TENM2: variants seen among roughly 807,000 people sequenced by gnomAD.
TENM2 encodes teneurin transmembrane protein 2.
TENM2 carries 52 observed loss-of-function variants against 245.2 expected under a neutral mutation model. The observed-to-expected ratio is 0.21, with a 90% CI of 0.17 to 0.27. TENM2 has a LOEUF of 0.27. TENM2 is among the 10% of genes least tolerant of loss of function. The probability of loss-of-function intolerance (pLI) is 1.00; values close to 1 mark genes in which losing one functional copy is unlikely to be tolerated. For synonymous variants in TENM2, 1,363 were observed against 1,438.9 expected (o/e 0.95, Z 1.19); for missense variants, 3,046 against 3,666.8 (o/e 0.83, Z 4.37).
intron 2 of TENM2, among the ~76,000 whole-genome samples, chr5:167,449,808 A>AT (rs1417573056): frequency 6.6e-6 from 1 of 152,112 alleles, no homozygotes; most frequent in East Asian, 1.9e-4. Flanking sequence ...AAATACAAAA[A>AT]TGAGCCATGC....
chr5:167,122,525 G>A, the TENM2 span, among the ~76,000 whole-genome samples: 12 of 152,106 alleles, frequency 7.9e-5, no homozygotes, highest in Non-Finnish European at 1.8e-4. Flanking sequence ...GACAGCTTAT[G>A]AACCTAATAA....
the TENM2 span, among the ~76,000 whole-genome samples, chr5:166,984,327 T>C: frequency 6.6e-6 from 1 of 152,118 alleles, no homozygotes; most frequent in South Asian, 2.1e-4. Flanking sequence ...AATGATAATA[T>C]ACCGATTCTA....
chr5:167,648,177 T>C (rs938905329), intron 2 of TENM2, among the ~76,000 whole-genome samples: 3 of 152,240 alleles, frequency 2.0e-5, no homozygotes, highest in African/African-American at 7.2e-5. Flanking sequence ...TGACCCATTC[T>C]GCACAGAGAC....
At position 167,859,115 on chromosome 5, in the gene TENM2, C is replaced by G. The variant is rs1771401668; in HGVS notation, c.503-16871C>G. ...GTCTGAGATGTGGGGAGCGCCTCTG[C>G]CCCGCCGCCCCATCTGGGATGTGAG... On this transcript the variant is annotated intron_variant, in intron 2 of 28. Coordinates refer to ENST00000518659, the Ensembl canonical transcript of TENM2. Among the ~76,000 whole-genome samples the G allele has an allele frequency of 4.5e-5, 6 of 133,360 alleles. No individual in the cohort carries two copies. The South Asian group carries it at 1.3e-3, about 30-fold the overall frequency. 87.5% of individuals were successfully genotyped at this position (133,360 alleles called of 152,430 possible).
the TENM2 span, among the ~76,000 whole-genome samples, chr5:167,039,219 G>A: frequency 6.6e-6 from 1 of 152,076 alleles, no homozygotes; most frequent in Non-Finnish European, 1.5e-5. Context: ...CTGTGAGAGT[G>A]AGCTGCTATC....
At chr5:167,872,526 AAGAAAGAAAGAAAGAAAGAAAGAG>A (rs1773023140) in intron 2 of TENM2, among the ~76,000 whole-genome samples, 2 of 51,144 alleles carry the variant, frequency 3.9e-5, no homozygotes, top group African/African-American at 1.1e-4. Flanking sequence ...GAAAGAAAGA[AAGAAAGAAAGAAAGAAAGAAAGAG>A]AAAGAAAGAA....
chr5:167,488,278 A>C (rs1448544111), intron 2 of TENM2, among the ~76,000 whole-genome samples: 2 of 152,182 alleles, frequency 1.3e-5, no homozygotes, highest in Non-Finnish European at 2.9e-5. Flanking sequence ...TTTTCTTTAT[A>C]GAACAATGTC....
At chr5:167,941,431 T>C (rs1268292218) in intron 3 of TENM2, among the ~76,000 whole-genome samples, 1 of 152,206 alleles carries the variant, frequency 6.6e-6, no homozygotes, top group African/African-American at 2.4e-5. Context: ...AGTGCACTGA[T>C]TATTTTGATA....
intron 3 of TENM2, among the ~76,000 whole-genome samples, chr5:167,913,195 T>C (rs1365347800): frequency 1.3e-5 from 2 of 152,210 alleles, no homozygotes; most frequent in Non-Finnish European, 2.9e-5. Flanking sequence ...TCCACCTGCC[T>C]CTTCTCCTAG....
intron 4 of TENM2, 29 bp from the exon 7 acceptor site, chr5:167,992,915 C>T (rs548129781): frequency 3.8e-6 from 6 of 1,580,368 alleles, no homozygotes. Flanking sequence ...TACCCATGAC[C>T]ACTCTGACTC....
intron 2 of TENM2, among the ~76,000 whole-genome samples, chr5:167,418,816 G>C (rs1169672442): frequency 6.6e-6 from 1 of 152,028 alleles, no homozygotes; most frequent in African/African-American, 2.4e-5. Flanking sequence ...ATCAACATTG[G>C]TAAAAGCAAT....
At chr5:167,398,211 C>T (rs931572630) in intron 2 of TENM2, among the ~76,000 whole-genome samples, 2 of 152,108 alleles carry the variant, frequency 1.3e-5, no homozygotes, top group Admixed American at 6.6e-5. Context: ...GTCAGATAGA[C>T]AAGTGTTTAA....
intron 2 of TENM2, among the ~76,000 whole-genome samples, chr5:167,832,665 A>G (rs1768609891): frequency 6.6e-6 from 1 of 152,148 alleles, no homozygotes; most frequent in Admixed American, 6.5e-5. Context: ...ACAGGAAAGA[A>G]GAAGAAAAGT....
At chr5:167,202,338 G>T in the TENM2 span, among the ~76,000 whole-genome samples, 2 of 151,906 alleles carry the variant, frequency 1.3e-5, no homozygotes, top group East Asian at 1.9e-4. Context: ...TCAGCCTACT[G>T]CCCCTCTCCA....
At chr5:167,373,150 T>G (rs1344940142) in intron 1 of TENM2, among the ~76,000 whole-genome samples, 1 of 152,200 alleles carries the variant, frequency 6.6e-6, no homozygotes, top group Admixed American at 6.5e-5. Context: ...ATGTATAGAA[T>G]TGGGCTTGAT....
chr5:167,530,696 C>T (rs1364563996), intron 2 of TENM2, among the ~76,000 whole-genome samples: 8 of 152,172 alleles, frequency 5.3e-5, no homozygotes, highest in Admixed American at 2.0e-4. Context: ...CCCTGTGCTT[C>T]GCTGTAGAGC....
chr5:167,289,540 A>G (rs1754519353), intron 1 of TENM2, among the ~76,000 whole-genome samples: 1 of 152,194 alleles, frequency 6.6e-6, no homozygotes, highest in African/African-American at 2.4e-5. Context: ...GATAAATCCT[A>G]CCGGCTATTT....
intron 2 of TENM2, among the ~76,000 whole-genome samples, chr5:167,591,377 G>GT (rs1469391575): frequency 6.6e-6 from 1 of 152,184 alleles, no homozygotes; most frequent in East Asian, 1.9e-4. Context: ...TTGATGGTTT[G>GT]TATTTTATTG....
chr5:167,803,561 C>T (rs188537736), intron 2 of TENM2, among the ~76,000 whole-genome samples: 57 of 152,074 alleles, frequency 3.7e-4, no homozygotes, highest in East Asian at 1.2e-3. Context: ...TGTGGAGCTC[C>T]GTATTTTCCA....
Sources: gnomAD v4.1 joint callset for allele counts (sites outside exome capture counted in the v4.1 genomes callset) on GRCh38, gnomAD v4.1.1 for gene constraint, MANE v1.5 for transcripts, NCBI Gene and HGNC (gene_info 2026-07-23, HGNC 2026-07-21) for gene names.